GRIK4: variants seen among roughly 807,000 people sequenced by gnomAD.
GRIK4 encodes the protein glutamate receptor ionotropic, kainate 4.
A neutral mutation model predicts 104.9 loss-of-function variants in GRIK4; 40 were observed. The observed-to-expected ratio is 0.38, with a 90% confidence interval of 0.30 to 0.50. The LOEUF (loss-of-function observed/expected upper bound fraction) is 0.50. Ranked by LOEUF, GRIK4 falls within the 20% of genes least tolerant of loss-of-function variation. The probability of loss-of-function intolerance (pLI) is 0.93; values close to 1 mark genes in which losing one functional copy is unlikely to be tolerated. For synonymous variants in GRIK4, 485 were observed against 524.9 expected (o/e 0.92, Z 1.04); for missense variants, 1,047 against 1,308.1 (o/e 0.80, Z 3.08).
chr11:120,986,384 G>A lies in GRIK4; in HGVS notation c.*124G>A. ...GACACCTCTCCAGATTTCGGATCCA[G>A]TCACTTTTCAAAAAGATCAAGGAGC... is the stretch of plus-strand genomic sequence containing the variant. On this transcript the variant is annotated 3_prime_UTR_variant, in exon 21 of 21. Transcript: ENST00000527524. The A allele has an allele frequency of 8.0e-7, 1 of 1,255,668 alleles. No individual in the cohort carries two copies. Among genetic ancestry groups the A allele is most frequent in the Admixed American group, 3.8e-5 (1 of 26,526 alleles). The allele number at this position is 1,255,668 out of a possible 1,614,324, so 77.8% of individuals were successfully genotyped here. A position where few individuals can be genotyped will look rare whatever the true frequency, so the allele number is the denominator to read the frequency against.
At chr11:120,606,037 T>A (rs4936529) in intron 1 of GRIK4, among the ~76,000 whole-genome samples, 106,417 of 152,128 alleles carry the variant, frequency 0.7, 37,623 homozygotes, top group African/African-American at 0.75. Flanking sequence ...AATGATACCC[T>A]TCAGGTGCAG....
At chr11:120,655,534 T>A (rs1949693290) in intron 2 of GRIK4, among the ~76,000 whole-genome samples, 1 of 152,184 alleles carries the variant, frequency 6.6e-6, no homozygotes, top group Non-Finnish European at 1.5e-5. Flanking sequence ...ATCAAGTTTG[T>A]ATTTCTGTAA....
intron 19 of GRIK4, among the ~76,000 whole-genome samples, chr11:120,968,529 A>G (rs1178761261): frequency 1.3e-5 from 2 of 152,212 alleles, no homozygotes; most frequent in African/African-American, 2.4e-5. Flanking sequence ...ATGAATAACT[A>G]TGTGATTCTC....
At chr11:120,815,123 A>G (rs980180058) in intron 4 of GRIK4, among the ~76,000 whole-genome samples, 2 of 152,240 alleles carry the variant, frequency 1.3e-5, no homozygotes, top group African/African-American at 4.8e-5. Flanking sequence ...CCTGTTGGCT[A>G]TGGCCGTATG....
At chr11:120,963,382 C>T (rs1394073740) in intron 18 of GRIK4, among the ~76,000 whole-genome samples, 1 of 152,214 alleles carries the variant, frequency 6.6e-6, no homozygotes, top group Non-Finnish European at 1.5e-5. Context: ...GGGCCTTCCC[C>T]TGCTAACAGA....
At chr11:120,720,747 A>G (rs1950918003) in intron 3 of GRIK4, among the ~76,000 whole-genome samples, 1 of 152,118 alleles carries the variant, frequency 6.6e-6, no homozygotes. Flanking sequence ...GAGTTTAGCT[A>G]TATTTTAAGA....
intron 3 of GRIK4, among the ~76,000 whole-genome samples, chr11:120,755,372 G>A (rs943586999): frequency 2.2e-4 from 33 of 152,138 alleles, no homozygotes; most frequent in African/African-American, 8.0e-4. Context: ...TTTGGAGGCC[G>A]ATGTGGGAGG....
At chr11:120,647,089 G>A (rs543075534) in intron 1 of GRIK4, among the ~76,000 whole-genome samples, 7 of 152,172 alleles carry the variant, frequency 4.6e-5, no homozygotes, top group Non-Finnish European at 1.0e-4. Flanking sequence ...GGGGATGAGC[G>A]GATCCAGACT....
Position 120,832,034 on chromosome 11 carries a change from G to T in GRIK4, c.690+4G>T. 3 of 1,600,056 alleles carry T rather than the reference G, an allele frequency of 1.9e-6. No homozygotes were observed. The highest frequency in any genetic ancestry group is 2.6e-6 in the Non-Finnish European group (3 of 1,169,954). On this transcript the variant is annotated splice_donor_region_variant and intron_variant, in intron 7 of 20. Transcript: ENST00000527524. Reference sequence around the variant, plus strand: ...GTCCCACACCATCCTCCTGAAGGTGGGAGCCTCCCTCTCTCCCCCACCCCC... The same window carrying T: ...GTCCCACACCATCCTCCTGAAGGTGTGAGCCTCCCTCTCTCCCCCACCCCC...
chr11:120,556,865 G>A (rs1375042876), intron 1 of GRIK4, among the ~76,000 whole-genome samples: 18 of 152,104 alleles, frequency 1.2e-4, no homozygotes. Context: ...AACTCTGCGC[G>A]GGGCCTCTCA....
At position 120,986,665 on chromosome 11, in the gene GRIK4, GA is replaced by G. The variant is rs796390996; in HGVS notation, c.*417del. 146 of 149,406 alleles carry G rather than the reference GA, an allele frequency of 9.8e-4. No homozygotes were observed. Among genetic ancestry groups the G allele is most frequent in the Middle Eastern group, 3.3e-3 (1 of 302 alleles). The allele number at this position is 149,406 out of a possible 1,614,324, so 9.3% of individuals were successfully genotyped here. ...ATGTACCCTCCGTCTAGTTCTTACA[GA>G]AAAAAAAAAAATTAAACAGGGAAGT... On this transcript the variant is annotated 3_prime_UTR_variant, in exon 21 of 21. Coordinates refer to ENST00000527524, the MANE Select transcript of GRIK4 (RefSeq NM_014619.5).
intron 13 of GRIK4, among the ~76,000 whole-genome samples, chr11:120,918,546 G>T (rs942560898): frequency 3.1e-4 from 47 of 152,272 alleles, no homozygotes; most frequent in African/African-American, 1.1e-3. Context: ...CCCTCACTCT[G>T]CTCACCAAAC....
At chr11:120,794,355 G>T (rs750246894) in intron 3 of GRIK4, among the ~76,000 whole-genome samples, 2 of 151,970 alleles carry the variant, frequency 1.3e-5, no homozygotes, top group Non-Finnish European at 2.9e-5. Context: ...GGTAAGGGTG[G>T]TGTTAGGAAT....
At chr11:120,617,275 AGTAG>A (rs1409755930) in intron 1 of GRIK4, among the ~76,000 whole-genome samples, 1 of 152,220 alleles carries the variant, frequency 6.6e-6, no homozygotes, top group Admixed American at 6.5e-5. Flanking sequence ...CCTGGCACTT[AGTAG>A]GTGGTTAATA....
rs1469294726 is a variant in GRIK4, at chr11:120,967,164, T to C, written c.2267-31T>C. ...GACACCTAACAGGGCATTCACAACC[T>C]GTGTCCTGGGCTCTCCCGTAACCCC... is the stretch of plus-strand genomic sequence containing the variant. On this transcript the variant is annotated intron_variant, in intron 18 of 20. Transcript: ENST00000527524. This position sits in a 1 kb window ranked among gnomAD's most constrained non-coding sequence, Gnocchi z 4.2. 5 of 1,597,204 alleles carry C rather than the reference T, an allele frequency of 3.1e-6. No homozygotes were observed. Among genetic ancestry groups the C allele is most frequent in the Non-Finnish European group, 4.3e-6 (5 of 1,171,696 alleles).
At chr11:120,780,170 A>G (rs1054041257) in intron 3 of GRIK4, among the ~76,000 whole-genome samples, 1 of 152,250 alleles carries the variant, frequency 6.6e-6, no homozygotes, top group African/African-American at 2.4e-5. Flanking sequence ...TTGGTAAAAT[A>G]CACATAAAAC....
Position 120,755,253 on chromosome 11 carries a change from A to G in GRIK4, c.83-47440A>G, listed in dbSNP as rs568134231. Reference sequence around the variant, plus strand: ...GAACACAATTGCACCATGGGAGCCAAGGGCCTGAGCGCTAATGGCAGAGCC... The same window carrying G: ...GAACACAATTGCACCATGGGAGCCAGGGGCCTGAGCGCTAATGGCAGAGCC... On this transcript the variant is annotated intron_variant, in intron 3 of 20. Transcript: ENST00000527524. Among the ~76,000 whole-genome samples the G allele has an allele frequency of 3.9e-5, 6 of 152,246 alleles. No individual in the cohort carries two copies. The East Asian group carries it at 1.2e-3, about 29-fold the overall frequency.
At chr11:120,944,009 T>C (rs1003806651) in intron 14 of GRIK4, among the ~76,000 whole-genome samples, 1 of 152,206 alleles carries the variant, frequency 6.6e-6, no homozygotes, top group Non-Finnish European at 1.5e-5. Context: ...CTGTTTCTGT[T>C]CAGGCATCCT....
chr11:120,850,922 A>G (rs1417530788), intron 8 of GRIK4, among the ~76,000 whole-genome samples: 1 of 151,908 alleles, frequency 6.6e-6, no homozygotes, highest in Admixed American at 6.6e-5. Context: ...CATCCTCAGC[A>G]TCAGGCTTCA....
Sources: gnomAD v4.1 joint callset for allele counts (sites outside exome capture counted in the v4.1 genomes callset) on GRCh38, gnomAD v4.1.1 for gene constraint, Gnocchi (gnomAD v3.1) non-coding constraint, MANE v1.5 for transcripts, NCBI Gene and HGNC (gene_info 2026-07-23, HGNC 2026-07-21) for gene names.